Variants in GRK3 observed in about 807,000 individuals in gnomAD.
The protein encoded by GRK3 is G protein-coupled receptor kinase 3.
GRK3 carries 54 observed loss-of-function variants against 95.7 expected under a neutral mutation model. The ratio of observed to expected loss-of-function variants is 0.56; its 90% CI spans 0.45 to 0.71. The LOEUF is 0.71. Ranked by LOEUF, GRK3 falls within the 30% of genes least tolerant of loss-of-function variation. The pLI, the probability that GRK3 is intolerant of heterozygous loss-of-function variation, is 0.00. For synonymous variants in GRK3, 281 were observed against 290.8 expected (o/e 0.97, Z 0.34); for missense variants, 649 against 851.2 (o/e 0.76, Z 2.96).
In GRK3 at chr22:25,565,068, G is replaced by A. The variant is rs1284812343; in HGVS notation, c.28G>A (p.Asp10Asn). ...GGCGGACCTGGAGGCTGTGCTGGCCGATGTCAGTTACCTGATGGCCATGGA... is the reference window on the plus strand; with the variant it reads ...GGCGGACCTGGAGGCTGTGCTGGCCAATGTCAGTTACCTGATGGCCATGGA... MADLEAVLA[D>N]VSYLMAMEKS... Residue 10 changes from aspartate (D) to asparagine (N), a missense_variant, in exon 1 of 21, where the codon GAT becomes AAT. Around this residue, in one of 3 missense-constraint regions of GRK3, gnomAD observed 206 missense variants for 231.4 expected, o/e 0.89. Coordinates refer to ENST00000324198, the MANE Select transcript of GRK3 (RefSeq NM_005160.4). 6.6e-7 allele frequency: 1 copy of A among 1,525,796 alleles called. No homozygotes were observed. Among genetic ancestry groups the A allele is most frequent in the Admixed American group, 2.0e-5 (1 of 49,962 alleles). 94.5% of individuals were successfully genotyped at this position (1,525,796 alleles called of 1,614,324 possible).
At chr22:25,693,935 G>C (rs1019247973) in intron 12 of GRK3, among the ~76,000 whole-genome samples, 1 of 152,010 alleles carries the variant, frequency 6.6e-6, no homozygotes, top group African/African-American at 2.4e-5. Context: ...GGGATTACAG[G>C]CATGCGCCAC....
At chr22:25,587,819 T>C (rs1932366693) in intron 1 of GRK3, among the ~76,000 whole-genome samples, 1 of 152,236 alleles carries the variant, frequency 6.6e-6, no homozygotes, top group Non-Finnish European at 1.5e-5. Context: ...TTGGTTCTCA[T>C]TCTCTCTTTT....
rs564656640 is a variant in GRK3 at position 25,602,363 on chromosome 22, AT to A, written c.114-2012del. 1.1e-4 allele frequency among the ~76,000 whole-genome samples: 16 copies of A among 152,368 alleles called. No homozygotes were observed. In the South Asian group the frequency reaches 3.3e-3, roughly 32 times the overall value. The stretch of plus-strand genomic sequence containing the variant: ...TGTGGAACAACTGGAACTATCATAC[AT>A]TGTTGGTGGGATTGTAAAATGGTAG... On this transcript the variant is annotated intron_variant, in intron 1 of 20. Coordinates refer to ENST00000324198, the MANE Select transcript of GRK3 (RefSeq NM_005160.4).
chr22:25,705,221 C>T (rs1394123578), intron 15 of GRK3, among the ~76,000 whole-genome samples: 1 of 152,168 alleles, frequency 6.6e-6, no homozygotes, highest in African/African-American at 2.4e-5. Context: ...CTTCCTCCAC[C>T]TCTCAAAAGT....
chr22:25,710,307 C>A (rs1243557259), intron 16 of GRK3, among the ~76,000 whole-genome samples: 1 of 152,030 alleles, frequency 6.6e-6, no homozygotes, highest in Non-Finnish European at 1.5e-5. Flanking sequence ...AGTTTTTGCT[C>A]TTCTTCTTGA....
intron 1 of GRK3, among the ~76,000 whole-genome samples, chr22:25,591,498 T>C (rs946226759): frequency 6.6e-6 from 1 of 152,112 alleles, no homozygotes; most frequent in Admixed American, 6.5e-5. Flanking sequence ...AGTCACACTT[T>C]TGCTTCCTCT....
chr22:25,622,114 C>G (rs900174373), intron 2 of GRK3, among the ~76,000 whole-genome samples: 2 of 152,132 alleles, frequency 1.3e-5, no homozygotes, highest in Non-Finnish European at 2.9e-5. Flanking sequence ...TCAAAACTGA[C>G]CCCACTTGAA....
At chr22:25,636,583 A>C (rs2084703171) in intron 2 of GRK3, among the ~76,000 whole-genome samples, 1 of 152,208 alleles carries the variant, frequency 6.6e-6, no homozygotes, top group Non-Finnish European at 1.5e-5. Flanking sequence ...TTTTTAAGGT[A>C]AATTTACTTA....
At chr22:25,621,884 T>G (rs1258512073) in intron 2 of GRK3, among the ~76,000 whole-genome samples, 1 of 152,192 alleles carries the variant, frequency 6.6e-6, no homozygotes, top group Non-Finnish European at 1.5e-5. Context: ...GTGCAGAGAC[T>G]ATAGACAAGG....
chr22:25,717,810 G>C (rs2085398637), intron 18 of GRK3, among the ~76,000 whole-genome samples: 1 of 152,030 alleles, frequency 6.6e-6, no homozygotes, highest in Non-Finnish European at 1.5e-5. Context: ...ACTTAGACAA[G>C]AAAATTCCCA....
At chr22:25,627,345 G>A (rs984431144) in intron 2 of GRK3, among the ~76,000 whole-genome samples, 2 of 152,212 alleles carry the variant, frequency 1.3e-5, no homozygotes, top group African/African-American at 4.8e-5. Context: ...CCCTTAGCCT[G>A]GTGGCTGAAG....
At chr22:25,591,040 G>A (rs1319199353) in intron 1 of GRK3, among the ~76,000 whole-genome samples, 1 of 151,952 alleles carries the variant, frequency 6.6e-6, no homozygotes, top group Admixed American at 6.6e-5. Context: ...CTAGGTTAAG[G>A]GCTCATTCCC....
intron 3 of GRK3, among the ~76,000 whole-genome samples, chr22:25,652,152 T>G (rs1177602755): frequency 3.3e-5 from 5 of 152,122 alleles, no homozygotes; most frequent in African/African-American, 1.2e-4. Flanking sequence ...GAAAATGATC[T>G]GGCCAGGCAT....
At chr22:25,573,446 A>G (rs887493944) in intron 1 of GRK3, among the ~76,000 whole-genome samples, 1 of 152,152 alleles carries the variant, frequency 6.6e-6, no homozygotes, top group African/African-American at 2.4e-5. Flanking sequence ...CAGAGTTTGG[A>G]AGCCAGGTAT....
intron 19 of GRK3, among the ~76,000 whole-genome samples, 193 bp from the exon 20 acceptor site, chr22:25,721,089 TCC>T (rs1209463879): frequency 3.9e-5 from 6 of 152,234 alleles, no homozygotes; most frequent in Admixed American, 6.5e-5. Context: ...TCTGCAGTTT[TCC>T]TTGAAACATT....
chr22:25,585,226 G>T (rs1403830353), intron 1 of GRK3, among the ~76,000 whole-genome samples: 1 of 152,286 alleles, frequency 6.6e-6, no homozygotes, highest in Non-Finnish European at 1.5e-5. Context: ...TCCTTTTAAG[G>T]AAGTGAAGTG....
chr22:25,675,269 C>T (rs566723215), intron 8 of GRK3, among the ~76,000 whole-genome samples: 9 of 152,282 alleles, frequency 5.9e-5, no homozygotes, highest in East Asian at 3.9e-4. Context: ...GATGCTGGTT[C>T]GCTAGATCAG....
intron 19 of GRK3, among the ~76,000 whole-genome samples, chr22:25,720,697 G>A (rs2085425156): frequency 6.6e-6 from 1 of 151,800 alleles, no homozygotes; most frequent in Non-Finnish European, 1.5e-5. Context: ...GGTTGGTCTC[G>A]AGCTCTTGAC....
Position 25,703,634 on chromosome 22 carries a change from T to C in GRK3, c.1227+58T>C, listed in dbSNP as rs2146455134. The C allele has an allele frequency of 4.9e-6, 6 of 1,221,512 alleles. No homozygotes were observed. In the South Asian group the frequency reaches 6.7e-5, roughly 14 times the overall value. The allele number at this position is 1,221,512 out of a possible 1,614,324, so 75.7% of individuals were successfully genotyped here. ...ATGGTAATTGTCATGCTTCATTCCG[T>C]CAATAATAAAAAAATGCTATTACAT... On this transcript the variant is annotated intron_variant, in intron 14 of 20. Coordinates refer to ENST00000324198, the MANE Select transcript of GRK3 (RefSeq NM_005160.4).
Sources: gnomAD v4.1 joint callset for allele counts (sites outside exome capture counted in the v4.1 genomes callset) on GRCh38, gnomAD v4.1.1 for gene constraint, gnomAD v4.1.1 regional missense constraint, MANE v1.5 for transcripts, NCBI Gene and HGNC (gene_info 2026-07-23, HGNC 2026-07-21) for gene names.